ELAPOR2: variants seen among roughly 807,000 people sequenced by gnomAD.
ELAPOR2 encodes the protein endosome/lysosome-associated apoptosis and autophagy regulator family member 2.
Under a neutral mutation model 120.7 loss-of-function variants are expected in ELAPOR2, and 89 were observed. That is an observed-to-expected ratio of 0.74 (90% CI 0.62 to 0.88). The LOEUF is 0.88. ELAPOR2 is among the 40% of genes least tolerant of loss of function. ELAPOR2 has a pLI of 0.00. For missense variants in ELAPOR2, 1,134 were observed against 1,251.6 expected, an observed-to-expected ratio of 0.91 and a Z score of 1.42; for synonymous variants, 444 against 444.9, an observed-to-expected ratio of 1.00 and a Z score of 0.03.
At chr7:86,999,435 A>G (rs1259696677) in intron 1 of ELAPOR2, among the ~76,000 whole-genome samples, 1 of 152,172 alleles carries the variant, frequency 6.6e-6, no homozygotes, top group Non-Finnish European at 1.5e-5. Flanking sequence ...CTCTTAACTA[A>G]TCTTAAGTGA....
intron 1 of ELAPOR2, among the ~76,000 whole-genome samples, chr7:87,015,727 C>T (rs1220270830): frequency 2.0e-5 from 3 of 152,090 alleles, no homozygotes; most frequent in African/African-American, 4.8e-5. Context: ...CTCCCAGCTA[C>T]TCCCAACTGC....
chr7:86,981,608 C>T (rs1293625158), intron 1 of ELAPOR2, among the ~76,000 whole-genome samples: 1 of 152,246 alleles, frequency 6.6e-6, no homozygotes, highest in African/African-American at 2.4e-5. Context: ...CTTCAGGCAA[C>T]TAATGAACCG....
In ELAPOR2 at chr7:86,986,212, G is replaced by A. The variant is rs1175898682; in HGVS notation, c.190-21188C>T. 3.1e-4 allele frequency among the ~76,000 whole-genome samples: 38 copies of A among 121,034 alleles called. 7 individuals are homozygous for A. The highest frequency in any genetic ancestry group is 4.9e-4 in the Non-Finnish European group (29 of 58,994). The allele number at this position is 121,034 out of a possible 152,430, so 79.4% of individuals were successfully genotyped here. ...TGGGAGGCCGAGGCGGGCGGATCAC[G>A]AGGTCAGGAGATCGAGACCATCCCG... On this transcript the variant is annotated intron_variant, in intron 1 of 21. Coordinates refer to ENST00000450689, the MANE Select transcript of ELAPOR2 (RefSeq NM_001142749.3).
At chr7:87,052,266 T>C (rs1248400986) in intron 1 of ELAPOR2, among the ~76,000 whole-genome samples, 1 of 152,176 alleles carries the variant, frequency 6.6e-6, no homozygotes, top group Non-Finnish European at 1.5e-5. Context: ...TCACAATCAT[T>C]GTGGAAGGTG....
chr7:86,893,810 T>C (rs958395744), intron 19 of ELAPOR2, among the ~76,000 whole-genome samples: 5 of 152,044 alleles, frequency 3.3e-5, no homozygotes, highest in Admixed American at 1.3e-4. Context: ...TAATAAAATA[T>C]TAATATACTG....
Position 87,041,263 on chromosome 7 carries a change from C to T in ELAPOR2, c.189+18062G>A, listed in dbSNP as rs962029760. Among the ~76,000 whole-genome samples the T allele has an allele frequency of 1.5e-3, 229 of 151,962 alleles. 1 individual carries two copies. The highest frequency in any genetic ancestry group is 1.7e-3 in the Non-Finnish European group (114 of 67,970). On this transcript the variant is annotated intron_variant, in intron 1 of 21. Coordinates refer to ENST00000450689, the MANE Select transcript of ELAPOR2 (RefSeq NM_001142749.3). ...GTTCAGATTCAGGAAATACAGAGAA[C>T]GCCACAAAGATACTCCTCGAGAAGA...
In ELAPOR2 at chr7:86,938,122, G is replaced by A. The variant is rs1215676643; in HGVS notation, c.1089+4C>T. On this transcript the variant is annotated splice_donor_region_variant and intron_variant, in intron 8 of 21. Coordinates refer to ENST00000450689, the MANE Select transcript of ELAPOR2 (RefSeq NM_001142749.3). ...GGATGGAGTTGATGCAACACTGCTG[G>A]TACCTTTCCTTCTTCATCACATGGA... 1 of 1,548,302 alleles carries A rather than the reference G, an allele frequency of 6.5e-7. No homozygotes were observed. Among genetic ancestry groups the A allele is most frequent in the Non-Finnish European group, 8.7e-7 (1 of 1,144,172 alleles).
intron 21 of ELAPOR2, among the ~76,000 whole-genome samples, chr7:86,883,023 G>GGGGTGTGT (rs372912079): frequency 1.4e-5 from 2 of 141,554 alleles, no homozygotes; most frequent in African/African-American, 5.2e-5. Context: ...GTTTGAAAGG[G>GGGGTGTGT]GTGTGTGTGT....
intron 1 of ELAPOR2, among the ~76,000 whole-genome samples, chr7:87,055,084 T>C (rs1276782447): frequency 6.6e-6 from 1 of 152,178 alleles, no homozygotes; most frequent in Non-Finnish European, 1.5e-5. Context: ...ATTTCAACAA[T>C]GTCTTCCATT....
chr7:86,902,428 G>T (rs754561480), intron 18 of ELAPOR2, among the ~76,000 whole-genome samples: 3 of 152,046 alleles, frequency 2.0e-5, no homozygotes, highest in African/African-American at 7.2e-5. Context: ...CGCCTGTCTC[G>T]GCCTCCCAGA....
intron 1 of ELAPOR2, among the ~76,000 whole-genome samples, chr7:86,966,991 T>C (rs1003635433): frequency 6.6e-6 from 1 of 152,166 alleles, no homozygotes; most frequent in Non-Finnish European, 1.5e-5. Flanking sequence ...TTTTGTCATA[T>C]AAAAATAATA....
At chr7:86,966,101 T>C (rs1290897946) in intron 1 of ELAPOR2, 1 of 259,036 alleles carries the variant, frequency 3.9e-6, no homozygotes, top group Non-Finnish European at 6.0e-6. Context: ...ATCTTGCTTC[T>C]CTCATAATTA....
At chr7:87,005,011 G>C (rs1040269664) in intron 1 of ELAPOR2, among the ~76,000 whole-genome samples, 1 of 152,056 alleles carries the variant, frequency 6.6e-6, no homozygotes, top group African/African-American at 2.4e-5. Flanking sequence ...GTAGGAGAAG[G>C]GTTCCTCTGT....
intron 9 of ELAPOR2, 87 bp downstream of exon 9, chr7:86,926,649 C>A: frequency 1.5e-6 from 2 of 1,305,378 alleles, no homozygotes; most frequent in Non-Finnish European, 2.1e-6. Flanking sequence ...TAACCACTTT[C>A]CATAAAAACA....
At chr7:87,055,700 T>C (rs1795240952) in intron 1 of ELAPOR2, among the ~76,000 whole-genome samples, 1 of 152,198 alleles carries the variant, frequency 6.6e-6, no homozygotes, top group Non-Finnish European at 1.5e-5. Context: ...TGATGGCCCA[T>C]TGCTTCTTTC....
intron 1 of ELAPOR2, among the ~76,000 whole-genome samples, chr7:87,054,126 A>T (rs1795193909): frequency 6.6e-6 from 1 of 152,192 alleles, no homozygotes; most frequent in Admixed American, 6.5e-5. Context: ...CATAGAACAC[A>T]CATGATGAAA....
At chr7:86,994,986 A>G (rs973889249) in intron 1 of ELAPOR2, among the ~76,000 whole-genome samples, 3 of 152,342 alleles carry the variant, frequency 2.0e-5, no homozygotes, top group East Asian at 1.9e-4. Flanking sequence ...GAAATTACCA[A>G]GATAGGAGAG....
At chr7:86,950,796 C>T (rs1437663517) in intron 2 of ELAPOR2, among the ~76,000 whole-genome samples, 1 of 152,222 alleles carries the variant, frequency 6.6e-6, no homozygotes, top group East Asian at 1.9e-4. Flanking sequence ...CTGAGCAAAA[C>T]TCAGGCAAAG....
chr7:86,938,475 C>T (rs564664215), intron 7 of ELAPOR2, among the ~76,000 whole-genome samples: 1 of 152,108 alleles, frequency 6.6e-6, no homozygotes, highest in South Asian at 2.1e-4. Context: ...CATCACTATA[C>T]ATTGGAAATT....
Sources: allele counts gnomAD v4.1 joint callset (sites outside exome capture counted in the v4.1 genomes callset), GRCh38; gene constraint gnomAD v4.1.1; transcripts MANE v1.5; gene names NCBI Gene and HGNC (gene_info 2026-07-23, HGNC 2026-07-21).